Variants in GOLGA4 observed in about 807,000 individuals in gnomAD.
The protein encoded by GOLGA4 is golgin subfamily A member 4.
Under a neutral mutation model 265.9 loss-of-function variants are expected in GOLGA4, and 169 were observed. The ratio of observed to expected loss-of-function variants is 0.64; its 90% CI spans 0.56 to 0.72. The LOEUF is 0.72. Among genes scored for constraint, GOLGA4 ranks in the 30% least tolerant of loss-of-function variants. The pLI is 0.00. For missense variants in GOLGA4, 2,482 were observed against 2,483.4 expected (o/e 1.00, Z 0.01); for synonymous variants, 923 against 855.8 (o/e 1.08, Z -1.37).
chr3:37,255,149 G>GTCA (rs1162155898), intron 2 of GOLGA4, among the ~76,000 whole-genome samples: 4 of 150,494 alleles, frequency 2.7e-5, no homozygotes, highest in South Asian at 2.1e-4. Context: ...TTGTTTTGTT[G>GTCA]TCATCATTAT....
At chr3:37,273,606 GT>G in intron 2 of GOLGA4, 1 of 1,400,460 alleles carries the variant, frequency 7.1e-7, no homozygotes, top group Non-Finnish European at 9.8e-7. Flanking sequence ...CCTCAGGTCT[GT>G]TACTAATTGT....
intron 23 of GOLGA4, among the ~76,000 whole-genome samples, chr3:37,362,119 A>G (rs1696321094): frequency 6.6e-6 from 1 of 152,224 alleles, no homozygotes; most frequent in Admixed American, 6.5e-5. Context: ...AAATACTCTC[A>G]GTGATTGTTA....
chr3:37,291,641 A>G (rs1256186586), intron 5 of GOLGA4, among the ~76,000 whole-genome samples: 1 of 152,142 alleles, frequency 6.6e-6, no homozygotes, highest in Non-Finnish European at 1.5e-5. Flanking sequence ...ATTTGTGTTG[A>G]CCTTTCAAAG....
intron 19 of GOLGA4, among the ~76,000 whole-genome samples, chr3:37,339,511 A>G (rs2097025843): frequency 6.6e-6 from 1 of 152,340 alleles, no homozygotes; most frequent in South Asian, 2.1e-4. Context: ...TTACATTACC[A>G]TCAACAAAGT....
intron 22 of GOLGA4, among the ~76,000 whole-genome samples, chr3:37,355,458 G>A (rs1309704395): frequency 6.6e-6 from 1 of 152,006 alleles, no homozygotes; most frequent in Non-Finnish European, 1.5e-5. Flanking sequence ...CCAGAACTTG[G>A]GCTGTTTATG....
intron 4 of GOLGA4, 55 bp downstream of exon 4, chr3:37,286,116 T>G: frequency 1.3e-6 from 1 of 762,702 alleles, no homozygotes; most frequent in South Asian, 1.6e-5. Context: ...CAGAAAGATC[T>G]TATATAGTAA....
At chr3:37,295,154 G>T in intron 6 of GOLGA4, 77 bp downstream of exon 6, 1 of 767,372 alleles carries the variant, frequency 1.3e-6, no homozygotes, top group Non-Finnish European at 2.1e-6. Flanking sequence ...ATATCTGCAA[G>T]GTTGCAAAAG....
At chr3:37,289,392 A>G (rs2096859055) in intron 5 of GOLGA4, 101 bp downstream of exon 5, 1 of 708,938 alleles carries the variant, frequency 1.4e-6, no homozygotes, top group South Asian at 2.0e-5. Context: ...CTCATTAGTT[A>G]TACTAATAAC....
chr3:37,282,794 A>T (rs2096838303), intron 3 of GOLGA4, among the ~76,000 whole-genome samples: 1 of 152,202 alleles, frequency 6.6e-6, no homozygotes, highest in Non-Finnish European at 1.5e-5. Context: ...TAAACCCTTG[A>T]GAATGACACT....
At chr3:37,347,144 G>C in intron 20 of GOLGA4, 49 bp from the exon 21 acceptor site, 1 of 1,078,018 alleles carries the variant, frequency 9.3e-7, no homozygotes, top group African/African-American at 1.6e-5. Flanking sequence ...GTAATAAGTA[G>C]TTTACCTGGT....
At chr3:37,250,980 AGCC>A (rs1164654956) in intron 1 of GOLGA4, among the ~76,000 whole-genome samples, 2 of 151,500 alleles carry the variant, frequency 1.3e-5, no homozygotes, top group Non-Finnish European at 2.9e-5. Context: ...TTGAATTGCC[AGCC>A]TTTTTTTTTT....
intron 5 of GOLGA4, among the ~76,000 whole-genome samples, chr3:37,289,903 G>A (rs1201438771): frequency 2.0e-5 from 3 of 152,080 alleles, no homozygotes; most frequent in African/African-American, 7.2e-5. Context: ...TGCTATTGGT[G>A]TTTTCTCTCC....
rs185492115 is a variant in GOLGA4 at position 37,359,958 on chromosome 3, G to A, written c.6664-1285G>A. Among the ~76,000 whole-genome samples the A allele has an allele frequency of 4.8e-3, 729 of 152,196 alleles. 6 individuals are homozygous for A. The highest frequency in any genetic ancestry group is 0.017 in the African/African-American group (698 of 41,538). On this transcript the variant is annotated intron_variant, in intron 22 of 23. Transcript: ENST00000361924. ...TTGATTCTGGTGTTGGTAGAATAAG[G>A]TAATACGTGATCACTGGAAAAAATA...
intron 3 of GOLGA4, among the ~76,000 whole-genome samples, chr3:37,284,446 G>T (rs940450857): frequency 1.2e-4 from 18 of 152,054 alleles, no homozygotes; most frequent in Non-Finnish European, 2.9e-5. Flanking sequence ...TAGAGACAGG[G>T]TTTCACCATG....
At position 37,325,603 on chromosome 3, in the gene GOLGA4, T is replaced by C. The variant is rs150802928; in HGVS notation, c.3717T>C (p.Ser1239=). 1 of 1,613,054 alleles carries C rather than the reference T, an allele frequency of 6.2e-7. No individual in the cohort carries two copies. The highest frequency in any genetic ancestry group is 1.3e-5 in the African/African-American group (1 of 74,906). ...AAACAAATGAGCTAATCAACATTAG[T>C]AGTAGTAAAACTAATGCCATTCTTT... The part of the protein sequence containing the change: ...EAKTNELINI[S]SSKTNAILSR... Residue 1239 remains serine, a synonymous_variant, in exon 14 of 24, where the codon AGT becomes AGC. Coordinates refer to ENST00000361924, the MANE Select transcript of GOLGA4 (RefSeq NM_002078.5).
At chr3:37,332,983 T>TA (rs1252485681) in intron 16 of GOLGA4, among the ~76,000 whole-genome samples, 1 of 152,234 alleles carries the variant, frequency 6.6e-6, no homozygotes. Flanking sequence ...TCCTCTCCCT[T>TA]AGACTATAAG....
chr3:37,253,190 G>A (rs2096738847), intron 2 of GOLGA4, among the ~76,000 whole-genome samples: 1 of 151,354 alleles, frequency 6.6e-6, no homozygotes, highest in African/African-American at 2.4e-5. Flanking sequence ...CTCGGAGGTC[G>A]AAGCTGCAGT....
chr3:37,248,150 A>C (rs997276619), intron 1 of GOLGA4, among the ~76,000 whole-genome samples: 120 of 152,166 alleles, frequency 7.9e-4, no homozygotes, highest in African/African-American at 2.7e-3. Context: ...GTTTTTCTTA[A>C]GTTTTTGTAG....
chr3:37,297,142 A>G (rs1449772403), intron 7 of GOLGA4, among the ~76,000 whole-genome samples: 1 of 152,246 alleles, frequency 6.6e-6, no homozygotes, highest in Non-Finnish European at 1.5e-5. Flanking sequence ...AGAAATAGCT[A>G]TATTTTGTCT....
Sources: allele counts gnomAD v4.1 joint callset (sites outside exome capture counted in the v4.1 genomes callset), GRCh38; gene constraint gnomAD v4.1.1; transcripts MANE v1.5; gene names NCBI Gene and HGNC (gene_info 2026-07-23, HGNC 2026-07-21).